Variants in PTPRM observed in about 807,000 individuals in gnomAD.
PTPRM encodes protein tyrosine phosphatase receptor type M.
A neutral mutation model predicts 186.7 loss-of-function variants in PTPRM; 47 were observed. The observed-to-expected ratio is 0.25, with a 90% CI of 0.20 to 0.32. The LOEUF (loss-of-function observed/expected upper bound fraction) is 0.32, where lower values mean the gene tolerates loss of function less well. Ranked by LOEUF, PTPRM falls within the 10% of genes least tolerant of loss-of-function variation. The pLI, the probability that PTPRM is intolerant of heterozygous loss-of-function variation, is 1.00. For missense variants in PTPRM, 1,494 were observed against 1,865.0 expected (o/e 0.80, Z 3.66); for synonymous variants, 668 against 674.9 (o/e 0.99, Z 0.16).
chr18:7,886,632 G>T (rs915032372), intron 2 of PTPRM, among the ~76,000 whole-genome samples: 2 of 152,080 alleles, frequency 1.3e-5, no homozygotes, highest in African/African-American at 2.4e-5. Flanking sequence ...TGAGTAATGG[G>T]CTGGAAACTC....
chr18:7,751,675 T>C (rs968109930), intron 1 of PTPRM, among the ~76,000 whole-genome samples: 5 of 152,218 alleles, frequency 3.3e-5, no homozygotes, highest in African/African-American at 9.6e-5. Flanking sequence ...TCTTTACTGA[T>C]GGTGTTGCTA....
intron 1 of PTPRM, among the ~76,000 whole-genome samples, chr18:7,687,985 C>T (rs1025881529): frequency 1.3e-5 from 2 of 151,972 alleles, no homozygotes; most frequent in Non-Finnish European, 2.9e-5. Flanking sequence ...ACCATGTTGG[C>T]CAGGATGGTC....
chr18:8,360,185 G>A (rs1316360098), intron 23 of PTPRM, among the ~76,000 whole-genome samples: 1 of 152,192 alleles, frequency 6.6e-6, no homozygotes, highest in African/African-American at 2.4e-5. Flanking sequence ...CATGAACTAA[G>A]GAAATAAATA....
chr18:7,781,306 G>A (rs373961563), intron 2 of PTPRM, among the ~76,000 whole-genome samples: 7 of 152,062 alleles, frequency 4.6e-5, no homozygotes, highest in African/African-American at 1.2e-4. Context: ...TCTTTAATCA[G>A]TATATTTGTT....
intron 19 of PTPRM, among the ~76,000 whole-genome samples, chr18:8,259,781 G>A (rs1170385548): frequency 6.6e-6 from 1 of 152,132 alleles, no homozygotes; most frequent in Non-Finnish European, 1.5e-5. Context: ...CCAAGTAGCT[G>A]GAGCTACAGG....
chr18:8,401,874 G>A (rs994892696), intron 32 of PTPRM, among the ~76,000 whole-genome samples: 12 of 152,212 alleles, frequency 7.9e-5, no homozygotes, highest in Non-Finnish European at 1.5e-4. Flanking sequence ...CGGGGCCAGC[G>A]TCAGGGACCT....
intron 3 of PTPRM, among the ~76,000 whole-genome samples, chr18:7,895,101 A>G (rs2049284393): frequency 6.6e-6 from 1 of 152,136 alleles, no homozygotes; most frequent in Non-Finnish European, 1.5e-5. Flanking sequence ...GTTACAAAGA[A>G]TGGGATTTGA....
At chr18:8,096,028 T>C (rs2091000007) in intron 11 of PTPRM, among the ~76,000 whole-genome samples, 1 of 152,214 alleles carries the variant, frequency 6.6e-6, no homozygotes, top group Non-Finnish European at 1.5e-5. Context: ...ACCTTCCTTA[T>C]ATTGCACCTT....
chr18:8,336,789 A>T (rs2095442323), intron 22 of PTPRM, among the ~76,000 whole-genome samples: 1 of 151,894 alleles, frequency 6.6e-6, no homozygotes. Flanking sequence ...ACGTTGGTGA[A>T]ACCCCATCTC....
Position 8,253,358 on chromosome 18 carries a change from C to G in PTPRM, c.2698C>G (p.Gln900Glu). 6.3e-7 allele frequency: 1 copy of G among 1,595,242 alleles called. No individual in the cohort carries two copies. The highest frequency in any genetic ancestry group is 1.1e-5 in the South Asian group (1 of 87,876). ...CGCCATCCGGGTGGCAGACCTCCTT[C>G]AGCACATCACACAGATGAAGTGTGC... ...HPAIRVADLL[Q>E]HITQMKCAEG... is the part of the protein sequence containing the mutation. The change falls in exon 19 of 33, where the codon CAG becomes GAG. Residue 900 changes from glutamine (Q) to glutamate (E), a missense_variant. Physicochemically the swap from Gln to Glu is conservative, Grantham distance 29. Around this residue, in one of 3 missense-constraint regions of PTPRM, gnomAD observed 1,107 missense variants for 1,350.2 expected, o/e 0.82. Transcript: ENST00000580170.
chr18:7,902,834 C>CTTTTTTTTTTTTTTTTTTTT (rs34332223), intron 3 of PTPRM, among the ~76,000 whole-genome samples: 2 of 130,098 alleles, frequency 1.5e-5, no homozygotes, highest in African/African-American at 2.8e-5. Context: ...TCTTCTCTGC[C>CTTTTTTTTTTTTTTTTTTTT]TTTTTTTTTT....
At chr18:8,238,661 T>TG (rs2094378152) in intron 14 of PTPRM, among the ~76,000 whole-genome samples, 2 of 136,668 alleles carry the variant, frequency 1.5e-5, no homozygotes, top group African/African-American at 2.7e-5. Context: ...GTTTTTTTTT[T>TG]TTTTTTTTTT....
At chr18:7,608,480 AG>A (rs1266515067) in intron 1 of PTPRM, among the ~76,000 whole-genome samples, 2 of 152,250 alleles carry the variant, frequency 1.3e-5, no homozygotes, top group Non-Finnish European at 2.9e-5. Context: ...TTTCCTTTGA[AG>A]CTCTACATTG....
At chr18:7,696,382 C>A (rs905742961) in intron 1 of PTPRM, among the ~76,000 whole-genome samples, 2 of 152,006 alleles carry the variant, frequency 1.3e-5, no homozygotes, top group Admixed American at 6.6e-5. Flanking sequence ...AAACAGGTTT[C>A]CAGAGTGTAT....
chr18:7,757,357 T>C (rs976835380), intron 1 of PTPRM, among the ~76,000 whole-genome samples: 20 of 152,242 alleles, frequency 1.3e-4, no homozygotes, highest in Non-Finnish European at 2.9e-4. Flanking sequence ...AGTTTTTGGA[T>C]GTTGACTGGA....
chr18:8,096,502 C>T (rs1048955459), intron 11 of PTPRM, among the ~76,000 whole-genome samples: 18 of 152,116 alleles, frequency 1.2e-4, no homozygotes, highest in East Asian at 1.9e-4. Context: ...TTCCATTGAC[C>T]GTAGAGAAAG....
chr18:7,689,936 A>G (rs902606108), intron 1 of PTPRM, among the ~76,000 whole-genome samples: 5 of 152,244 alleles, frequency 3.3e-5, no homozygotes, highest in Admixed American at 2.0e-4. Flanking sequence ...TGCTCTATTT[A>G]CATTATCTTT....
chr18:7,733,202 C>T lies in PTPRM; in HGVS notation c.74-40947C>T, dbSNP rs547954604. ...TCATCTAGGTTTTAAGCCCCACATG[C>T]ATTAGGTATTTGTCCTAATGCTCCC... On this transcript the variant is annotated intron_variant, in intron 1 of 32. Transcript: ENST00000580170. 2.0e-5 allele frequency among the ~76,000 whole-genome samples: 3 copies of T among 152,250 alleles called. No homozygotes were observed. The South Asian group carries it at 6.2e-4, about 32-fold the overall frequency.
At chr18:7,859,607 A>G (rs1443604) in intron 2 of PTPRM, among the ~76,000 whole-genome samples, 114,326 of 152,148 alleles carry the variant, frequency 0.75, 43,143 homozygotes, top group East Asian at 0.86. Context: ...CCTGGCCTGC[A>G]TAGCAGATGT....
Sources: allele counts gnomAD v4.1 joint callset (sites outside exome capture counted in the v4.1 genomes callset), GRCh38; gene constraint gnomAD v4.1.1; regional missense constraint gnomAD v4.1.1; transcripts MANE v1.5; gene names NCBI Gene and HGNC (gene_info 2026-07-23, HGNC 2026-07-21).